Variants in GPM6A observed in about 807,000 individuals in gnomAD.
GPM6A encodes the protein glycoprotein M6A, also known as neuronal membrane glycoprotein M6-a.
Under a neutral mutation model 32.1 loss-of-function variants are expected in GPM6A, and 7 were observed. That is an observed-to-expected ratio of 0.22 (90% confidence interval 0.12 to 0.41). The LOEUF (loss-of-function observed/expected upper bound fraction) is 0.41, where lower values mean the gene tolerates loss of function less well. GPM6A is among the 10% of genes least tolerant of loss of function. The probability of loss-of-function intolerance (pLI) is 1.00; values close to 1 mark genes in which losing one functional copy is unlikely to be tolerated. For missense variants in GPM6A, 235 were observed against 347.2 expected (o/e 0.68, Z 2.57); for synonymous variants, 130 against 123.4 (o/e 1.05, Z -0.35).
intron 1 of GPM6A, chr4:175,807,001 AATT>A (rs1426407688): frequency 6.6e-6 from 1 of 152,204 alleles, no homozygotes; most frequent in Admixed American, 6.5e-5. Context: ...CTAAGAAGCA[AATT>A]ATTAATTCTT....
chr4:175,811,009 T>C (rs1185243163), intron 1 of GPM6A, among the ~76,000 whole-genome samples: 1 of 152,184 alleles, frequency 6.6e-6, no homozygotes, highest in African/African-American at 2.4e-5. Context: ...TATCTCTTGC[T>C]TATATAAAAC....
intron 1 of GPM6A, among the ~76,000 whole-genome samples, chr4:175,824,243 G>A (rs1336794451): frequency 6.6e-6 from 1 of 152,104 alleles, no homozygotes. Flanking sequence ...ACGTTCCTCT[G>A]CTGCAATGTG....
intron 1 of GPM6A, among the ~76,000 whole-genome samples, chr4:175,845,027 C>T (rs1045873123): frequency 4.6e-5 from 7 of 152,070 alleles, no homozygotes; most frequent in African/African-American, 1.7e-4. Flanking sequence ...CTTAATTCAG[C>T]TCTCTTCTTT....
At chr4:175,651,685 G>A (rs1741816251) in intron 4 of GPM6A, 149 bp downstream of exon 4, 1 of 607,798 alleles carries the variant, frequency 1.6e-6, no homozygotes, top group Non-Finnish European at 2.9e-6. Context: ...AAAGGGAATA[G>A]CCTTAGCAGT....
At chr4:175,896,895 T>C (rs975062325) in intron 1 of GPM6A, among the ~76,000 whole-genome samples, 1 of 152,196 alleles carries the variant, frequency 6.6e-6, no homozygotes, top group Admixed American at 6.6e-5. Flanking sequence ...AATCCTCTTC[T>C]TTGAGGTGGC....
intron 1 of GPM6A, among the ~76,000 whole-genome samples, chr4:175,727,219 C>G (rs1731205102): frequency 6.6e-6 from 1 of 152,064 alleles, no homozygotes. Flanking sequence ...AACACACTTT[C>G]AAATAATTAT....
intron 1 of GPM6A, among the ~76,000 whole-genome samples, chr4:175,783,545 T>G (rs1490200236): frequency 1.3e-5 from 2 of 151,946 alleles, no homozygotes; most frequent in African/African-American, 4.8e-5. Flanking sequence ...TTGTGCCAAA[T>G]TATATGCTTT....
intron 1 of GPM6A, among the ~76,000 whole-genome samples, chr4:175,773,045 T>C (rs553495190): frequency 2.6e-5 from 4 of 152,242 alleles, no homozygotes; most frequent in Non-Finnish European, 4.4e-5. Context: ...ATTTGTGTAA[T>C]CTTCATTTTG....
chr4:175,761,800 T>G (rs1172194395), intron 1 of GPM6A, among the ~76,000 whole-genome samples: 1 of 149,286 alleles, frequency 6.7e-6, no homozygotes, highest in African/African-American at 2.4e-5. Context: ...ATAATAAACT[T>G]TTTTTTTTTT....
At chr4:175,968,263 C>T (rs760362568) in intron 1 of GPM6A, among the ~76,000 whole-genome samples, 17 of 151,874 alleles carry the variant, frequency 1.1e-4, no homozygotes, top group Non-Finnish European at 1.8e-4. Context: ...ATAGCTTTCA[C>T]AGAAATAAAC....
chr4:175,780,117 G>A (rs1420274619), intron 1 of GPM6A, among the ~76,000 whole-genome samples: 1 of 150,944 alleles, frequency 6.6e-6, no homozygotes, highest in African/African-American at 2.4e-5. Flanking sequence ...GCGTGATCTC[G>A]GCTCACTGCA....
At chr4:175,785,187 A>G (rs1247865162) in intron 1 of GPM6A, among the ~76,000 whole-genome samples, 1 of 152,150 alleles carries the variant, frequency 6.6e-6, no homozygotes, top group African/African-American at 2.4e-5. Flanking sequence ...ACCAAGTCCA[A>G]TCGCCATGCT....
chr4:175,847,620 C>A (rs577029926), intron 1 of GPM6A, among the ~76,000 whole-genome samples: 63 of 151,980 alleles, frequency 4.1e-4, no homozygotes, highest in African/African-American at 1.3e-3. Flanking sequence ...GTGATGCTGG[C>A]AATTTGGATA....
chr4:175,984,288 G>A (rs1479897025), intron 1 of GPM6A, among the ~76,000 whole-genome samples: 4 of 151,984 alleles, frequency 2.6e-5, no homozygotes, highest in Non-Finnish European at 5.9e-5. Context: ...TCAGCCTTCC[G>A]AGTAGCTGGG....
chr4:175,646,268 T>G (rs1741458700), intron 4 of GPM6A, among the ~76,000 whole-genome samples: 2 of 152,228 alleles, frequency 1.3e-5, no homozygotes, highest in Admixed American at 1.3e-4. Flanking sequence ...TTGAATTATT[T>G]AGCAGAAATG....
chr4:175,857,236 T>C (rs1444592430), intron 1 of GPM6A, among the ~76,000 whole-genome samples: 16 of 152,168 alleles, frequency 1.1e-4, no homozygotes, highest in Non-Finnish European at 2.1e-4. Context: ...AAGCAATATA[T>C]AGCATGTGAT....
chr4:175,906,182 A>G (rs1188692287), intron 1 of GPM6A, among the ~76,000 whole-genome samples: 12 of 152,168 alleles, frequency 7.9e-5, no homozygotes, highest in Admixed American at 7.9e-4. Flanking sequence ...TGCATCAGTG[A>G]CAACAAGCCT....
At chr4:175,993,148 T>G (rs1172090773) in intron 1 of GPM6A, among the ~76,000 whole-genome samples, 2 of 139,066 alleles carry the variant, frequency 1.4e-5, no homozygotes, top group Non-Finnish European at 3.1e-5. Context: ...CCCTCCCCTC[T>G]CTCCCTCCCC....
At chr4:175,732,839 A>C (rs568042763) in intron 1 of GPM6A, among the ~76,000 whole-genome samples, 2 of 152,166 alleles carry the variant, frequency 1.3e-5, no homozygotes, top group Non-Finnish European at 2.9e-5. Context: ...TGGGGTTTAA[A>C]TTTTGAGGAG....
Sources: gnomAD v4.1 joint callset for allele counts (sites outside exome capture counted in the v4.1 genomes callset) on GRCh38, gnomAD v4.1.1 for gene constraint, MANE v1.5 for transcripts, NCBI Gene and HGNC (gene_info 2026-07-23, HGNC 2026-07-21) for gene names.